The following PSME4 variants were observed in gnomAD, a reference collection of about 807,000 sequenced individuals.
PSME4 encodes proteasome activator complex subunit 4.
PSME4 carries 89 observed loss-of-function variants against 253.9 expected under a neutral mutation model. The observed-to-expected ratio is 0.35, with a 90% CI of 0.30 to 0.42. The LOEUF (loss-of-function observed/expected upper bound fraction) is 0.42. Among genes scored for constraint, PSME4 ranks in the 10% least tolerant of loss-of-function variants. PSME4 has a pLI of 1.00. For missense variants in PSME4, 2,014 were observed against 2,195.2 expected, an observed-to-expected ratio of 0.92 and a Z score of 1.65; for synonymous variants, 851 against 759.2, an observed-to-expected ratio of 1.12 and a Z score of -1.99.
At chr2:53,906,506 A>G in intron 26 of PSME4, 92 bp downstream of exon 26, 1 of 1,389,026 alleles carries the variant, frequency 7.2e-7, no homozygotes, top group Non-Finnish European at 9.4e-7. Context: ...TATGGGTGAA[A>G]TTATTTAAAC....
Position 53,940,936 on chromosome 2 carries a change from TA to T in PSME4, c.501-937del, listed in dbSNP as rs1455460758. 6.0e-3 allele frequency among the ~76,000 whole-genome samples: 319 copies of T among 53,572 alleles called. 12 individuals are homozygous for T. The highest frequency in any genetic ancestry group is 8.2e-3 in the Non-Finnish European group (254 of 31,010). The allele number at this position is 53,572 out of a possible 152,430, so 35.1% of individuals were successfully genotyped here. A position where few individuals can be genotyped will look rare whatever the true frequency, so the allele number is the denominator to read the frequency against. ...TATTTAAATATATATATAATACATA[TA>T]TAAATATATATATACATATATATAT... is the stretch of plus-strand genomic sequence containing the variant. On this transcript the variant is annotated intron_variant, in intron 3 of 46. Transcript: ENST00000404125.
intron 1 of PSME4, among the ~76,000 whole-genome samples, chr2:53,954,659 C>T (rs1480865274): frequency 6.6e-6 from 1 of 151,838 alleles, no homozygotes; most frequent in East Asian, 1.9e-4. Context: ...GCCAACATGG[C>T]AAAACCTCCA....
chr2:53,931,914 C>T lies in PSME4; in HGVS notation c.1237G>A (p.Gly413Ser), dbSNP rs754881591. ...AAAGCCTGGGCTGCTTCTAGACTAC[C>T]GGTTTTGCTAAACATAGCCAAGAGG... ...PVLLAMFSKT[G>S]SLEAAQALQN... The change falls in exon 10 of 47, where the codon GGT (glycine) becomes AGT (serine). Residue 413 changes from glycine (G) to serine (S), a missense_variant. By Grantham distance (56) the Gly-to-Ser change is moderately conservative. Coordinates refer to ENST00000404125, the MANE Select transcript of PSME4 (RefSeq NM_014614.3). 3 of 1,613,960 alleles carry T rather than the reference C, an allele frequency of 1.9e-6. No individual in the cohort carries two copies. The highest frequency in any genetic ancestry group is 1.3e-5 in the African/African-American group (1 of 74,916).
At chr2:53,868,999 A>G (rs1352287840) in intron 44 of PSME4, among the ~76,000 whole-genome samples, 1 of 152,162 alleles carries the variant, frequency 6.6e-6, no homozygotes, top group Non-Finnish European at 1.5e-5. Flanking sequence ...ATAAAAAACA[A>G]GGCTTGCTTT....
intron 1 of PSME4, 114 bp downstream of exon 1, chr2:53,970,429 G>C: frequency 1.1e-5 from 16 of 1,492,922 alleles, no homozygotes; most frequent in Non-Finnish European, 1.4e-5. Flanking sequence ...CTCGGGGACA[G>C]CTCCAGCGAG....
At chr2:53,967,601 T>C (rs1316940683) in intron 1 of PSME4, among the ~76,000 whole-genome samples, 1 of 122,920 alleles carries the variant, frequency 8.1e-6, no homozygotes, top group Admixed American at 1.1e-4. Context: ...TGAGCCACGA[T>C]AGTGCCACTA....
chr2:53,930,524 T>TTAA (rs1303321644), intron 10 of PSME4, among the ~76,000 whole-genome samples: 5 of 152,130 alleles, frequency 3.3e-5, no homozygotes, highest in African/African-American at 1.2e-4. Context: ...CATTTCCTAA[T>TTAA]TAAGTTCTAT....
intron 16 of PSME4, among the ~76,000 whole-genome samples, chr2:53,922,792 G>C (rs901308825): frequency 1.3e-5 from 2 of 148,894 alleles, no homozygotes. Context: ...CAAGACTTCT[G>C]CCCCTCTATA....
In PSME4 at chr2:53,922,560, T is replaced by C; in HGVS notation, c.2003A>G (p.Glu668Gly). ...ATTCCATAGTAATTCCTTGTCTAGC[T>C]CTTCATCATTTAATACATCATCATC... ...TMNDDVLNDE[E>G]LDKELLWNLQ... is the part of the protein sequence containing the mutation. Residue 668 changes from glutamate to glycine, a missense_variant, in exon 17 of 47, where the codon GAG becomes GGG. By Grantham distance (98) the Glu-to-Gly change is moderately conservative (BLOSUM62 -2). Transcript: ENST00000404125. The C allele has an allele frequency of 6.2e-7, 1 of 1,612,990 alleles. No homozygotes were observed. Among genetic ancestry groups the C allele is most frequent in the Non-Finnish European group, 8.5e-7 (1 of 1,179,582 alleles).
At chr2:53,955,958 G>C (rs1350902558) in intron 1 of PSME4, among the ~76,000 whole-genome samples, 1 of 151,972 alleles carries the variant, frequency 6.6e-6, no homozygotes, top group African/African-American at 2.4e-5. Context: ...GAAAAAAGTA[G>C]ATACCATAAA....
Position 53,931,939 on chromosome 2 carries a change from G to T in PSME4, c.1212C>A (p.Val404=). The change falls in exon 10 of 47, where the codon GTC becomes GTA. Residue 404 remains valine, a synonymous_variant. Coordinates refer to ENST00000404125, the MANE Select transcript of PSME4 (RefSeq NM_014614.3). ...TDFVQCIIQP[V]LLAMFSKTGS... Reference sequence around the variant, plus strand: ...CGGTTTTGCTAAACATAGCCAAGAGGACAGGCTGAATAATGCATTGTACAA... The same window carrying T: ...CGGTTTTGCTAAACATAGCCAAGAGTACAGGCTGAATAATGCATTGTACAA... The T allele has an allele frequency of 6.2e-7, 1 of 1,614,060 alleles. No individual in the cohort carries two copies. Among genetic ancestry groups the T allele is most frequent in the Non-Finnish European group, 8.5e-7 (1 of 1,179,922 alleles).
At chr2:53,956,397 G>C (rs921556982) in intron 1 of PSME4, among the ~76,000 whole-genome samples, 2 of 151,662 alleles carry the variant, frequency 1.3e-5, no homozygotes, top group Admixed American at 6.6e-5. Context: ...GGGCATGGTG[G>C]TTAGTGCCTA....
At chr2:53,946,535 T>C (rs762995288) in intron 3 of PSME4, among the ~76,000 whole-genome samples, 1 of 152,228 alleles carries the variant, frequency 6.6e-6, no homozygotes, top group Non-Finnish European at 1.5e-5. Context: ...ATGGTCCCTG[T>C]GGCAAAAATA....
At chr2:53,915,507 G>A (rs1249668357) in intron 20 of PSME4, among the ~76,000 whole-genome samples, 1 of 151,974 alleles carries the variant, frequency 6.6e-6, no homozygotes, top group African/African-American at 2.4e-5. Flanking sequence ...CCAGGTGGGA[G>A]GATCACTTGA....
In PSME4 at chr2:53,970,557, G is replaced by T. The variant is rs1671021484; in HGVS notation, c.228C>A (p.Thr76=). The T allele has an allele frequency of 1.3e-6, 2 of 1,547,900 alleles. No homozygotes were observed. Among genetic ancestry groups the T allele is most frequent in the Admixed American group, 3.9e-5 (2 of 50,798 alleles). Residue 76 remains threonine (T), a synonymous_variant, in exon 1 of 47, where the codon ACC becomes ACA. Transcript: ENST00000404125. Reference sequence around the variant, plus strand: ...GGCACACTTACGTGGAGAGTTTCCTGGTCCAGAAGAGGCCCCCGGGCCACA... The same window carrying T: ...GGCACACTTACGTGGAGAGTTTCCTTGTCCAGAAGAGGCCCCCGGGCCACA... ...QELWPGGLFW[T]RKLSTYIRLY... is the part of the protein sequence containing the mutation.
At chr2:53,927,321 G>T in intron 12 of PSME4, 73 bp downstream of exon 12, 2 of 1,097,738 alleles carry the variant, frequency 1.8e-6, no homozygotes, top group Non-Finnish European at 2.8e-6. Flanking sequence ...TTTCTAAACT[G>T]TCAAGTGTTA....
At chr2:53,968,045 G>A (rs1379868822) in intron 1 of PSME4, among the ~76,000 whole-genome samples, 1 of 152,056 alleles carries the variant, frequency 6.6e-6, no homozygotes, top group Non-Finnish European at 1.5e-5. Flanking sequence ...GGCCGAGGTG[G>A]GCAGATTGCT....
chr2:53,918,139 T>C (rs894218051), intron 20 of PSME4, among the ~76,000 whole-genome samples: 2 of 152,228 alleles, frequency 1.3e-5, no homozygotes, highest in Non-Finnish European at 2.9e-5. Context: ...TTAACGTTTT[T>C]GTTGGAAAAT....
In PSME4 at chr2:53,893,787, T is replaced by C; in HGVS notation, c.3925A>G (p.Ile1309Val). The C allele has an allele frequency of 1.9e-6, 3 of 1,607,770 alleles. No individual in the cohort carries two copies. The highest frequency in any genetic ancestry group is 2.5e-6 in the Non-Finnish European group (3 of 1,177,130). ...REDMTEAEQI[I>V]FDHFSDPKFV... ...TTAGGATCAGAAAAATGATCAAATA[T>C]AATCTGTTCTGCCTATAAAGTTAAA... Residue 1309 changes from isoleucine (I) to valine (V), a missense_variant, in exon 35 of 47, where the codon ATA (isoleucine) becomes GTA (valine). Ile to Val is a conservative substitution (Grantham distance 29). Transcript: ENST00000404125.
Sources: gnomAD v4.1 joint callset for allele counts (sites outside exome capture counted in the v4.1 genomes callset) on GRCh38, gnomAD v4.1.1 for gene constraint, MANE v1.5 for transcripts, NCBI Gene and HGNC (gene_info 2026-07-23, HGNC 2026-07-21) for gene names.